The following TAFA4 variants were observed in gnomAD, a reference collection of about 807,000 sequenced individuals.
TAFA4 encodes the protein chemokine-like protein TAFA-4.
A neutral mutation model predicts 21.1 loss-of-function variants in TAFA4; 20 were observed. That is an observed-to-expected ratio of 0.95 (90% CI 0.67 to 1.38). The LOEUF is 1.38. Among genes scored for constraint, TAFA4 ranks in the 40% most tolerant of loss-of-function variants. The probability of loss-of-function intolerance (pLI) is 0.00; values close to 1 mark genes in which losing one functional copy is unlikely to be tolerated. For synonymous variants in TAFA4, 71 were observed against 67.4 expected (o/e 1.05, Z -0.26); for missense variants, 211 against 180.9 (o/e 1.17, Z -0.95).
chr3:68,850,802 A>G lies in TAFA4; in HGVS notation c.130+29928T>C, dbSNP rs191757810. On this transcript the variant is annotated intron_variant, in intron 3 of 5. Coordinates refer to ENST00000295569, the MANE Select transcript of TAFA4 (RefSeq NM_182522.5). ...TATCAGACCTTTGACAGATGGACAG[A>G]CTGCAAAAATTTTCTCTCACTCTGT... Among the ~76,000 whole-genome samples the G allele has an allele frequency of 1.4e-3, 209 of 152,038 alleles. 1 individual carries two copies. The highest frequency in any genetic ancestry group is 0.011 in the East Asian group (57 of 5,160).
At chr3:68,865,662 T>C (rs1480380577) in intron 3 of TAFA4, among the ~76,000 whole-genome samples, 1 of 152,100 alleles carries the variant, frequency 6.6e-6, no homozygotes, top group Non-Finnish European at 1.5e-5. Context: ...AGTATGAAAA[T>C]GGATGAATAC....
chr3:68,927,531 CAGAGT>C (rs1175199627), intron 1 of TAFA4, among the ~76,000 whole-genome samples: 2 of 152,188 alleles, frequency 1.3e-5, no homozygotes, highest in African/African-American at 4.8e-5. Flanking sequence ...GCAAAGCCAA[CAGAGT>C]AGTTTGTGTG....
At chr3:68,741,871 A>G (rs543373816) in intron 4 of TAFA4, among the ~76,000 whole-genome samples, 1 of 152,088 alleles carries the variant, frequency 6.6e-6, no homozygotes, top group South Asian at 2.1e-4. Context: ...TTCCAAACTC[A>G]TTTAATAACG....
intron 3 of TAFA4, among the ~76,000 whole-genome samples, chr3:68,803,049 G>C (rs1205172843): frequency 6.6e-6 from 1 of 152,110 alleles, no homozygotes; most frequent in Non-Finnish European, 1.5e-5. Context: ...TCCTAATTCA[G>C]TACCTGAAAT....
intron 3 of TAFA4, among the ~76,000 whole-genome samples, chr3:68,867,948 C>T (rs1387142817): frequency 3.9e-5 from 6 of 151,958 alleles, no homozygotes; most frequent in Non-Finnish European, 1.5e-5. Flanking sequence ...AGAGGAGTCA[C>T]AAAACAACCA....
intron 3 of TAFA4, among the ~76,000 whole-genome samples, chr3:68,782,311 C>T (rs1443809034): frequency 2.0e-5 from 3 of 152,064 alleles, no homozygotes; most frequent in Non-Finnish European, 4.4e-5. Context: ...ACTTCACACC[C>T]AAGAGGATGG....
At chr3:68,787,223 C>T (rs1025661526) in intron 3 of TAFA4, among the ~76,000 whole-genome samples, 1 of 152,080 alleles carries the variant, frequency 6.6e-6, no homozygotes, top group African/African-American at 2.4e-5. Flanking sequence ...TAAGGGGAAA[C>T]AGAAAAACAA....
intron 3 of TAFA4, among the ~76,000 whole-genome samples, chr3:68,770,264 A>G (rs1349013691): frequency 5.3e-5 from 8 of 152,200 alleles, no homozygotes; most frequent in Non-Finnish European, 1.5e-5. Context: ...GAATGATGCC[A>G]AAATTGGGTC....
intron 3 of TAFA4, among the ~76,000 whole-genome samples, chr3:68,849,083 T>C (rs1704881136): frequency 6.6e-6 from 1 of 152,162 alleles, no homozygotes; most frequent in African/African-American, 2.4e-5. Flanking sequence ...ATGATAAATA[T>C]AGAGTTTTCC....
chr3:68,771,918 GC>G (rs1702965324), intron 3 of TAFA4, among the ~76,000 whole-genome samples: 1 of 152,192 alleles, frequency 6.6e-6, no homozygotes, highest in African/African-American at 2.4e-5. Flanking sequence ...CAAGAGAATT[GC>G]TTCTTCAAAA....
chr3:68,795,790 T>C (rs1197534299), intron 3 of TAFA4, among the ~76,000 whole-genome samples: 1 of 152,182 alleles, frequency 6.6e-6, no homozygotes, highest in Non-Finnish European at 1.5e-5. Context: ...TGTCTGAGCA[T>C]TGAAGGGTTA....
chr3:68,812,343 G>A (rs4602396), intron 3 of TAFA4, among the ~76,000 whole-genome samples: 96,357 of 151,974 alleles, frequency 0.63, 31,265 homozygotes, highest in East Asian at 0.98. Flanking sequence ...TTAAATGTAA[G>A]TGGGCTAAAT....
At chr3:68,746,049 C>T (rs997857550) in intron 4 of TAFA4, among the ~76,000 whole-genome samples, 1 of 152,168 alleles carries the variant, frequency 6.6e-6, no homozygotes, top group Non-Finnish European at 1.5e-5. Flanking sequence ...GGCAGAGGAG[C>T]AGATCTTTCT....
At chr3:68,848,884 C>T (rs535230277) in intron 3 of TAFA4, among the ~76,000 whole-genome samples, 8 of 151,952 alleles carry the variant, frequency 5.3e-5, no homozygotes, top group African/African-American at 1.7e-4. Flanking sequence ...GCTCACCCAA[C>T]AGAAATAAAC....
chr3:68,818,071 A>T (rs888674747), intron 3 of TAFA4, among the ~76,000 whole-genome samples: 5 of 152,144 alleles, frequency 3.3e-5, no homozygotes, highest in African/African-American at 7.2e-5. Context: ...TTGAAAATCT[A>T]TTGTGTAGCG....
chr3:68,772,853 A>AATCC (rs923138200), intron 3 of TAFA4, among the ~76,000 whole-genome samples: 8 of 152,028 alleles, frequency 5.3e-5, no homozygotes, highest in South Asian at 2.1e-4. Flanking sequence ...TCCATCCGTC[A>AATCC]ATCCATCCAT....
intron 3 of TAFA4, among the ~76,000 whole-genome samples, chr3:68,828,604 T>G (rs557213148): frequency 9.9e-5 from 15 of 152,232 alleles, no homozygotes; most frequent in African/African-American, 2.9e-4. Context: ...TCCCTTGTAA[T>G]TTGGATTCCT....
intron 1 of TAFA4, among the ~76,000 whole-genome samples, chr3:68,927,357 T>A (rs187331067): frequency 1.2e-3 from 182 of 152,242 alleles, no homozygotes; most frequent in African/African-American, 4.2e-3. Flanking sequence ...TTAGAACACA[T>A]GGCACAGATG....
intron 3 of TAFA4, among the ~76,000 whole-genome samples, chr3:68,774,864 T>A (rs1703021149): frequency 6.6e-6 from 1 of 152,074 alleles, no homozygotes; most frequent in African/African-American, 2.4e-5. Context: ...ATTGTGTAGC[T>A]AAAATTTATA....
Sources: allele counts gnomAD v4.1 joint callset (sites outside exome capture counted in the v4.1 genomes callset), GRCh38; gene constraint gnomAD v4.1.1; transcripts MANE v1.5; gene names NCBI Gene and HGNC (gene_info 2026-07-23, HGNC 2026-07-21).